The following TSPEAR variants were observed in gnomAD, a reference collection of about 807,000 sequenced individuals.
The protein encoded by TSPEAR is thrombospondin-type laminin G domain and EAR repeat-containing protein.
A neutral mutation model predicts 71.6 loss-of-function variants in TSPEAR; 69 were observed. The ratio of observed to expected loss-of-function variants is 0.96; its 90% CI spans 0.79 to 1.18. The LOEUF (loss-of-function observed/expected upper bound fraction) is 1.18. Among genes scored for constraint, TSPEAR ranks in the 50% most tolerant of loss-of-function variants. TSPEAR has a pLI of 0.00. For missense variants in TSPEAR, 971 were observed against 894.9 expected, an observed-to-expected ratio of 1.09 and a Z score of -1.09; for synonymous variants, 402 against 387.2, an observed-to-expected ratio of 1.04 and a Z score of -0.45.
chr21:44,710,287 G>T lies in TSPEAR; in HGVS notation c.82+1146C>A, dbSNP rs530105456. 8.5e-5 allele frequency among the ~76,000 whole-genome samples: 13 copies of T among 152,324 alleles called. No homozygotes were observed. The highest frequency in any genetic ancestry group is 3.1e-4 in the African/African-American group (13 of 41,570). On this transcript the variant is annotated intron_variant, in intron 1 of 11. Coordinates refer to ENST00000323084, the MANE Select transcript of TSPEAR (RefSeq NM_144991.3). This position sits in a 1 kb window ranked among gnomAD's most constrained non-coding sequence, Gnocchi z 4.6. ...CAGGTGCAGCTGTGCGGGAGCTTCAGTCCTGTCCCCAACACCCAGGCAGTA... is the reference window on the plus strand; with the variant it reads ...CAGGTGCAGCTGTGCGGGAGCTTCATTCCTGTCCCCAACACCCAGGCAGTA...
Position 44,529,913 on chromosome 21 carries a change from G to A in TSPEAR, c.675C>T (p.Ala225=). The A allele has an allele frequency of 1.9e-6, 3 of 1,610,928 alleles. No homozygotes were observed. The highest frequency in any genetic ancestry group is 2.5e-6 in the Non-Finnish European group (3 of 1,179,432). The change falls in exon 5 of 12, where the codon GCC becomes GCT. Residue 225 remains alanine, a synonymous_variant. Coordinates refer to ENST00000323084, the MANE Select transcript of TSPEAR (RefSeq NM_144991.3). ...TCCTGCTGGGACACAGCCTTGGGGTGGCGTCTGAGCCCGGCAGCAGGACCA... is the reference window on the plus strand; with the variant it reads ...TCCTGCTGGGACACAGCCTTGGGGTAGCGTCTGAGCCCGGCAGCAGGACCA... ...RQLVLLPGSD[A]TPRLCPSRNA...
At chr21:44,658,219 C>A in intron 1 of TSPEAR, 1 of 1,614,070 alleles carries the variant, frequency 6.2e-7, no homozygotes, top group Non-Finnish European at 8.5e-7. Context: ...AGCCCCCCTG[C>A]ACCACTGCCC....
rs1409500311 is a variant in TSPEAR, at chr21:44,695,292, A to G, written c.82+16141T>C. ...ACGCTGTGCTGTCTCTCAGGTACGCAAGTGCACCACAGACTCTGATATGTA... is the reference window on the plus strand; with the variant it reads ...ACGCTGTGCTGTCTCTCAGGTACGCGAGTGCACCACAGACTCTGATATGTA... On this transcript the variant is annotated intron_variant, in intron 1 of 11. Transcript: ENST00000323084. The surrounding 1 kb of genome is among the most constrained non-coding windows in gnomAD (Gnocchi z 4.5). Among the ~76,000 whole-genome samples the G allele has an allele frequency of 3.9e-5, 6 of 151,940 alleles. No individual in the cohort carries two copies. The highest frequency in any genetic ancestry group is 5.9e-5 in the Non-Finnish European group (4 of 67,990).
At chr21:44,598,003 A>G (rs1369242593) in intron 1 of TSPEAR, among the ~76,000 whole-genome samples, 1 of 151,944 alleles carries the variant, frequency 6.6e-6, no homozygotes, top group Non-Finnish European at 1.5e-5. Context: ...ATTATTCGTG[A>G]GATAAGGCAA....
At chr21:44,513,412 AGAG>A (rs1195280318) in intron 9 of TSPEAR, among the ~76,000 whole-genome samples, 1 of 152,148 alleles carries the variant, frequency 6.6e-6, no homozygotes, top group Non-Finnish European at 1.5e-5. Flanking sequence ...AGGGACTCAT[AGAG>A]GAGAGAGAAA....
At chr21:44,637,630 A>G (rs782139344) in intron 1 of TSPEAR, 44 of 1,611,964 alleles carry the variant, frequency 2.7e-5, no homozygotes, top group Middle Eastern at 3.3e-4. Context: ...GCTCCTGCAC[A>G]ACCCCATGCT....
intron 1 of TSPEAR, among the ~76,000 whole-genome samples, chr21:44,670,275 A>G (rs1247148391): frequency 6.6e-6 from 1 of 152,180 alleles, no homozygotes; most frequent in Non-Finnish European, 1.5e-5. Context: ...TGTTATAATC[A>G]TTAATAATTG....
intron 1 of TSPEAR, chr21:44,637,465 T>C (rs782318243): frequency 2.4e-5 from 39 of 1,612,940 alleles, no homozygotes; most frequent in South Asian, 1.1e-4. Context: ...GCACTGACTC[T>C]TGGCGGGTAG....
chr21:44,601,697 G>T (rs782094763), intron 1 of TSPEAR: 212 of 1,612,086 alleles, frequency 1.3e-4, no homozygotes, highest in Non-Finnish European at 1.7e-4. Context: ...CGCCCGGCCT[G>T]CTGTGGCCCC....
intron 1 of TSPEAR, chr21:44,697,880 C>CGCCTGG (rs1569266161): frequency 1.9e-6 from 3 of 1,603,212 alleles, no homozygotes; most frequent in Non-Finnish European, 2.6e-6. Flanking sequence ...AAGCTGCGGC[C>CGCCTGG]GCCTGGCCTC....
At chr21:44,544,957 G>C (rs1555917591) in intron 2 of TSPEAR, among the ~76,000 whole-genome samples, 1 of 151,866 alleles carries the variant, frequency 6.6e-6, no homozygotes, top group African/African-American at 2.4e-5. Context: ...GGACAGACAT[G>C]AAGAAAGAAA....
intron 1 of TSPEAR, among the ~76,000 whole-genome samples, chr21:44,599,998 G>A (rs1342993131): frequency 1.3e-5 from 2 of 152,188 alleles, no homozygotes; most frequent in East Asian, 1.9e-4. Context: ...GGGGGTGCAC[G>A]GCCCCCCAGG....
rs587732020 is a variant in TSPEAR at position 44,661,171 on chromosome 21, G to A, written c.82+50262C>T. Among the ~76,000 whole-genome samples, 440 of 151,476 alleles carry A rather than the reference G, an allele frequency of 2.9e-3. 4 individuals are homozygous for A. The highest frequency in any genetic ancestry group is 3.9e-3 in the Non-Finnish European group (267 of 67,890). ...CGCCTGTAGTCCCAGCTACTCGGGA[G>A]GCTGCGGCAGGAGAATGGCGTGAAC... On this transcript the variant is annotated intron_variant, in intron 1 of 11. Coordinates refer to ENST00000323084, the MANE Select transcript of TSPEAR (RefSeq NM_144991.3).
rs782372151 is a variant in TSPEAR, at chr21:44,574,881, G to A, written c.83-6876C>T. On this transcript the variant is annotated intron_variant, in intron 1 of 11. Coordinates refer to ENST00000323084, the MANE Select transcript of TSPEAR (RefSeq NM_144991.3). ...CCCCGTGTGCAGGCCCGCCTGCTGCGTGCCCGTCCCTTCCTGCTGTGCTCC... is the reference window on the plus strand; with the variant it reads ...CCCCGTGTGCAGGCCCGCCTGCTGCATGCCCGTCCCTTCCTGCTGTGCTCC... 3.4e-5 allele frequency: 54 copies of A among 1,611,760 alleles called. No individual in the cohort carries two copies. Among genetic ancestry groups the A allele is most frequent in the South Asian group, 8.8e-5 (8 of 90,926 alleles).
rs1274911729 is a variant in TSPEAR, at chr21:44,694,192, CAT to C, written c.82+17239_82+17240del. ...AACTAGATTTCCACATGAAAAGAAA[CAT>C]GTGGTATATCTGTATGAAGGAATAT... On this transcript the variant is annotated intron_variant, in intron 1 of 11. Coordinates refer to ENST00000323084, the MANE Select transcript of TSPEAR (RefSeq NM_144991.3). Among the ~76,000 whole-genome samples, 12 of 152,288 alleles carry C rather than the reference CAT, an allele frequency of 7.9e-5. No individual in the cohort carries two copies. In the East Asian group the frequency reaches 1.2e-3, roughly 15 times the overall value.
chr21:44,669,114 A>T (rs1985930771), intron 1 of TSPEAR, among the ~76,000 whole-genome samples: 1 of 152,258 alleles, frequency 6.6e-6, no homozygotes, highest in Non-Finnish European at 1.5e-5. Flanking sequence ...CCTGTGAGAC[A>T]TCATTAAACA....
At chr21:44,568,063 A>C in intron 1 of TSPEAR, 58 bp from the exon 2 acceptor site, 1 of 1,370,854 alleles carries the variant, frequency 7.3e-7, no homozygotes, top group Non-Finnish European at 9.7e-7. Context: ...GTGGATACCC[A>C]TAACAGCCAA....
At chr21:44,539,465 G>A (rs782261345) in intron 2 of TSPEAR, 1 of 1,613,616 alleles carries the variant, frequency 6.2e-7, no homozygotes, top group South Asian at 1.1e-5. Flanking sequence ...CACGGAGGAG[G>A]AGGGTCTGCA....
At chr21:44,602,682 C>G (rs768558483) in intron 1 of TSPEAR, among the ~76,000 whole-genome samples, 1 of 152,252 alleles carries the variant, frequency 6.6e-6, no homozygotes. Flanking sequence ...AAGCTGCTCA[C>G]GTGACCAGTC....
Sources: gnomAD v4.1 joint callset for allele counts (sites outside exome capture counted in the v4.1 genomes callset) on GRCh38, gnomAD v4.1.1 for gene constraint, Gnocchi (gnomAD v3.1) non-coding constraint, MANE v1.5 for transcripts, NCBI Gene and HGNC (gene_info 2026-07-23, HGNC 2026-07-21) for gene names.